Variants in AGAP1 observed in about 807,000 individuals in gnomAD.
The protein encoded by AGAP1 is arf-GAP with GTPase, ANK repeat and PH domain-containing protein 1.
In AGAP1, 29 loss-of-function variants were observed where a neutral mutation model predicts 105.3. The observed-to-expected ratio is 0.28, with a 90% CI of 0.21 to 0.38. AGAP1 has a LOEUF of 0.38. AGAP1 is among the 10% of genes least tolerant of loss of function. The pLI is 1.00. For missense variants in AGAP1, 998 were observed against 1,165.1 expected, an observed-to-expected ratio of 0.86 and a Z score of 2.09; for synonymous variants, 509 against 485.9, an observed-to-expected ratio of 1.05 and a Z score of -0.63.
chr2:235,689,100 T>G lies in AGAP1; in HGVS notation c.164-20079T>G, dbSNP rs1949613087. On this transcript the variant is annotated intron_variant, in intron 1 of 17. Coordinates refer to ENST00000304032, the MANE Select transcript of AGAP1 (RefSeq NM_001037131.3). This position sits in a 1 kb window ranked among gnomAD's most constrained non-coding sequence, Gnocchi z 4.2. ...GGAGACATCTACGTATACGTATTTATAGAGCAATGAAGAAATAAGCCCAAG... is the reference window on the plus strand; with the variant it reads ...GGAGACATCTACGTATACGTATTTAGAGAGCAATGAAGAAATAAGCCCAAG... Among the ~76,000 whole-genome samples, 1 of 152,210 alleles carries G rather than the reference T, an allele frequency of 6.6e-6. No homozygotes were observed. Among genetic ancestry groups the G allele is most frequent in the South Asian group, 2.1e-4 (1 of 4,834 alleles).
At position 235,724,029 on chromosome 2, in the gene AGAP1, G is replaced by A. The variant is rs531027803; in HGVS notation, c.310+6385G>A. Among the ~76,000 whole-genome samples, 15 of 152,300 alleles carry A rather than the reference G, an allele frequency of 9.8e-5. No homozygotes were observed. Among genetic ancestry groups the A allele is most frequent in the Admixed American group, 3.9e-4 (6 of 15,306 alleles). On this transcript the variant is annotated intron_variant, in intron 3 of 17. Coordinates refer to ENST00000304032, the MANE Select transcript of AGAP1 (RefSeq NM_001037131.3). The surrounding 1 kb of genome is among the most constrained non-coding windows in gnomAD (Gnocchi z 4.9). ...CGTAGCCTGCTGCCGCCACACAGAG[G>A]GATTTGCAGGGAAGGGCCTTAGCCA... is the stretch of plus-strand genomic sequence containing the variant.
Position 235,862,772 on chromosome 2 carries a change from C to T in AGAP1, c.1051-20573C>T, listed in dbSNP as rs540934735. 3.3e-4 allele frequency among the ~76,000 whole-genome samples: 51 copies of T among 152,292 alleles called. No individual in the cohort carries two copies. The South Asian group carries it at 5.6e-3, about 17-fold the overall frequency. Reference sequence around the variant, plus strand: ...CAGACCATATGCACCTTTGAACTTCCGTAATAGATGTCAGGATCCTGAGGG... The same window carrying T: ...CAGACCATATGCACCTTTGAACTTCTGTAATAGATGTCAGGATCCTGAGGG... On this transcript the variant is annotated intron_variant, in intron 9 of 17. Coordinates refer to ENST00000304032, the MANE Select transcript of AGAP1 (RefSeq NM_001037131.3).
chr2:235,607,447 C>A (rs1028150938), intron 1 of AGAP1, among the ~76,000 whole-genome samples: 3 of 152,258 alleles, frequency 2.0e-5, no homozygotes, highest in African/African-American at 7.2e-5. Context: ...AACAAGCAAA[C>A]TCACAGAGCC....
chr2:235,704,962 CTTTTTTCTTT>C (rs376610804), intron 1 of AGAP1, among the ~76,000 whole-genome samples: 19,284 of 83,690 alleles, frequency 0.23, 4,537 homozygotes, highest in South Asian at 0.38. Context: ...ATACAAGATG[CTTTTTTCTTT>C]TTTTTTTTTT....
intron 9 of AGAP1, among the ~76,000 whole-genome samples, chr2:235,827,201 G>C (rs187950051): frequency 6.6e-6 from 1 of 152,158 alleles, no homozygotes; most frequent in Non-Finnish European, 1.5e-5. Context: ...CATGCATCAC[G>C]TGTTTGAATA....
At chr2:235,881,972 CTG>C (rs1023028296) in intron 9 of AGAP1, among the ~76,000 whole-genome samples, 56 of 152,224 alleles carry the variant, frequency 3.7e-4, no homozygotes, top group African/African-American at 1.1e-3. Flanking sequence ...ATGAAGGAAA[CTG>C]TAAAAAAATT....
chr2:235,852,705 T>C, intron 9 of AGAP1: 1 of 1,518,502 alleles, frequency 6.6e-7, no homozygotes, highest in Non-Finnish European at 8.8e-7. Context: ...TTCTTTGTCC[T>C]TGCACTGACA....
At chr2:235,922,184 T>C (rs983296138) in intron 11 of AGAP1, among the ~76,000 whole-genome samples, 2 of 152,178 alleles carry the variant, frequency 1.3e-5, no homozygotes, top group East Asian at 1.9e-4. Flanking sequence ...GTGAATGAGA[T>C]TGGACCGAAG....
chr2:235,795,697 C>T (rs972234452), intron 6 of AGAP1, among the ~76,000 whole-genome samples: 3 of 151,968 alleles, frequency 2.0e-5, no homozygotes, highest in African/African-American at 4.8e-5. Flanking sequence ...AAACTACTAC[C>T]AGTTACCGGA....
At chr2:235,709,142 G>A in intron 1 of AGAP1, 37 bp from the exon 2 acceptor site, 1 of 1,610,702 alleles carries the variant, frequency 6.2e-7, no homozygotes, top group Non-Finnish European at 8.5e-7. Context: ...CTTTACGTGA[G>A]TTATGGTGTC....
chr2:235,751,385 C>G lies in AGAP1; in HGVS notation c.673+897C>G, dbSNP rs1033422417. Among the ~76,000 whole-genome samples the G allele has an allele frequency of 2.6e-5, 4 of 152,108 alleles. No individual in the cohort carries two copies. The highest frequency in any genetic ancestry group is 5.9e-5 in the Non-Finnish European group (4 of 68,004). On this transcript the variant is annotated intron_variant, in intron 6 of 17. Transcript: ENST00000304032. The surrounding 1 kb of genome is among the most constrained non-coding windows in gnomAD (Gnocchi z 5.3). ...AATCCATGGGGGCAGAGCCACCTGT[C>G]CCCCTGCTCTGGTGCCCAGGGGGTT...
At chr2:235,528,622 G>A (rs905203535) in intron 1 of AGAP1, among the ~76,000 whole-genome samples, 2 of 152,128 alleles carry the variant, frequency 1.3e-5, no homozygotes, top group African/African-American at 2.4e-5. Flanking sequence ...TATAGTAGCT[G>A]TAGGAGACCA....
In AGAP1 at chr2:235,753,696, ACT is replaced by A. The variant is rs1427559650; in HGVS notation, c.673+3211_673+3212del. ...GCTCCATCCTGGGTGACAGAGCGAG[ACT>A]CTGTCTCAAAAAAAAAAAAAAGTAG... is the stretch of plus-strand genomic sequence containing the variant. On this transcript the variant is annotated intron_variant, in intron 6 of 17. Transcript: ENST00000304032. The surrounding 1 kb of genome is among the most constrained non-coding windows in gnomAD (Gnocchi z 4.5). 2.0e-5 allele frequency among the ~76,000 whole-genome samples: 3 copies of A among 150,698 alleles called. No homozygotes were observed. Among genetic ancestry groups the A allele is most frequent in the African/African-American group, 7.3e-5 (3 of 40,862 alleles).
chr2:235,664,497 C>T lies in AGAP1; in HGVS notation c.164-44682C>T, dbSNP rs1948065475. On this transcript the variant is annotated intron_variant, in intron 1 of 17. Coordinates refer to ENST00000304032, the MANE Select transcript of AGAP1 (RefSeq NM_001037131.3). The surrounding 1 kb of genome is among the most constrained non-coding windows in gnomAD (Gnocchi z 5.7). ...CCTCCCAAAGTGCTGGGATTACAAG[C>T]ATGAGCCACCACACTTGGCCTGATT... 1.3e-5 allele frequency among the ~76,000 whole-genome samples: 2 copies of T among 152,218 alleles called. No individual in the cohort carries two copies. Among genetic ancestry groups the T allele is most frequent in the African/African-American group, 4.8e-5 (2 of 41,452 alleles).
At chr2:236,106,488 G>T (rs2125922417) in intron 16 of AGAP1, among the ~76,000 whole-genome samples, 1 of 152,388 alleles carries the variant, frequency 6.6e-6, no homozygotes, top group South Asian at 2.1e-4. Context: ...CCCTCTGTGT[G>T]ATGGGCACCA....
rs1053964708 is a variant in AGAP1, at chr2:235,659,478, T to A, written c.164-49701T>A. On this transcript the variant is annotated intron_variant, in intron 1 of 17. Coordinates refer to ENST00000304032, the MANE Select transcript of AGAP1 (RefSeq NM_001037131.3). The surrounding 1 kb of genome is among the most constrained non-coding windows in gnomAD (Gnocchi z 5.0). ...CAAAATTTCCAACAACTGTGGCTTC[T>A]TGGGAAATCCTTTGGCAGTCAGGGT... Among the ~76,000 whole-genome samples, 3 of 152,222 alleles carry A rather than the reference T, an allele frequency of 2.0e-5. No individual in the cohort carries two copies. Among genetic ancestry groups the A allele is most frequent in the African/African-American group, 7.2e-5 (3 of 41,462 alleles).
At chr2:235,717,517 T>G (rs557578922) in intron 2 of AGAP1, 40 bp from the exon 3 acceptor site, 1 of 1,529,484 alleles carries the variant, frequency 6.5e-7, no homozygotes, top group African/African-American at 1.4e-5. Flanking sequence ...CCAAATAGAG[T>G]GATTTGATGA....
chr2:235,935,720 G>C (rs1006713100), intron 12 of AGAP1, among the ~76,000 whole-genome samples: 10 of 152,188 alleles, frequency 6.6e-5, no homozygotes, highest in Non-Finnish European at 2.9e-5. Context: ...TATTGGCTGA[G>C]GGTTCTCTTG....
At position 235,723,268 on chromosome 2, in the gene AGAP1, G is replaced by C. The variant is rs747831537; in HGVS notation, c.310+5624G>C. Among the ~76,000 whole-genome samples, 2 of 152,156 alleles carry C rather than the reference G, an allele frequency of 1.3e-5. No homozygotes were observed. Among genetic ancestry groups the C allele is most frequent in the Non-Finnish European group, 2.9e-5 (2 of 68,024 alleles). On this transcript the variant is annotated intron_variant, in intron 3 of 17. Transcript: ENST00000304032. This position sits in a 1 kb window ranked among gnomAD's most constrained non-coding sequence, Gnocchi z 6.2. Reference sequence around the variant, plus strand: ...TAGAATCGTGTGACATTTTGGGTGTGTAATGTGACTTCCCTCGTGGTGTGT... The same window carrying C: ...TAGAATCGTGTGACATTTTGGGTGTCTAATGTGACTTCCCTCGTGGTGTGT...
Sources: gnomAD v4.1 joint callset for allele counts (sites outside exome capture counted in the v4.1 genomes callset) on GRCh38, gnomAD v4.1.1 for gene constraint, Gnocchi (gnomAD v3.1) non-coding constraint, MANE v1.5 for transcripts, NCBI Gene and HGNC (gene_info 2026-07-23, HGNC 2026-07-21) for gene names.